The following DCLK2 variants were observed in gnomAD, a reference collection of about 807,000 sequenced individuals.
DCLK2 encodes serine/threonine-protein kinase DCLK2.
In DCLK2, 31 loss-of-function variants were observed where a neutral mutation model predicts 78.4. That is an observed-to-expected ratio of 0.40 (90% CI 0.30 to 0.53). The LOEUF (loss-of-function observed/expected upper bound fraction) is 0.53. DCLK2 is among the 20% of genes least tolerant of loss of function. The probability of loss-of-function intolerance (pLI) is 0.61; values close to 1 mark genes in which losing one functional copy is unlikely to be tolerated. For synonymous variants in DCLK2, 407 were observed against 374.9 expected (o/e 1.09, Z -0.99); for missense variants, 872 against 973.7 (o/e 0.90, Z 1.39).
At chr4:150,216,108 A>G (rs72617457) in intron 5 of DCLK2, among the ~76,000 whole-genome samples, 8,220 of 152,276 alleles carry the variant, frequency 0.054, 323 homozygotes, top group East Asian at 0.2. Context: ...CCTATTTCAG[A>G]ACAGAGAACA....
At chr4:150,088,354 T>C (rs1580474713) in intron 1 of DCLK2, among the ~76,000 whole-genome samples, 1 of 152,090 alleles carries the variant, frequency 6.6e-6, no homozygotes, top group Non-Finnish European at 1.5e-5. Flanking sequence ...AGCAGAGTCC[T>C]AGCATGCAGT....
chr4:150,247,096 G>A (rs551881903), intron 12 of DCLK2, among the ~76,000 whole-genome samples: 1 of 152,030 alleles, frequency 6.6e-6, no homozygotes, highest in Non-Finnish European at 1.5e-5. Context: ...TAGATTTTCT[G>A]CCTTTCCTTT....
intron 2 of DCLK2, among the ~76,000 whole-genome samples, chr4:150,187,825 G>C (rs539890027): frequency 1.5e-5 from 2 of 136,158 alleles, no homozygotes; most frequent in South Asian, 4.5e-4. Flanking sequence ...TTTTGTGACA[G>C]AGTCTTGCTC....
chr4:150,167,387 T>C (rs2150252890), intron 2 of DCLK2, among the ~76,000 whole-genome samples: 1 of 152,344 alleles, frequency 6.6e-6, no homozygotes, highest in African/African-American at 2.4e-5. Context: ...GTATCTGCCC[T>C]TTGACTTTGC....
chr4:150,181,611 T>G (rs1269682026), intron 2 of DCLK2, among the ~76,000 whole-genome samples: 4 of 151,534 alleles, frequency 2.6e-5, no homozygotes, highest in African/African-American at 4.9e-5. Flanking sequence ...AAAGGTTAGA[T>G]CCAGTGTTTT....
chr4:150,202,779 A>G (rs528383931), intron 4 of DCLK2, among the ~76,000 whole-genome samples: 13 of 152,312 alleles, frequency 8.5e-5, no homozygotes, highest in African/African-American at 3.1e-4. Flanking sequence ...TTGTAATAAA[A>G]CAGATTATAA....
chr4:150,099,504 T>C (rs10440445), intron 1 of DCLK2, among the ~76,000 whole-genome samples: 58,127 of 152,126 alleles, frequency 0.38, 11,347 homozygotes, highest in Non-Finnish European at 0.42. Context: ...ATGGGGACAT[T>C]ATAAGACAAG....
In DCLK2 at chr4:150,079,120, C is replaced by T. The variant is rs765997524; in HGVS notation, c.93C>T (p.Ser31=). The T allele has an allele frequency of 2.5e-6, 4 of 1,580,208 alleles. No individual in the cohort carries two copies. Among genetic ancestry groups the T allele is most frequent in the African/African-American group, 1.4e-5 (1 of 73,862 alleles). Residue 31 remains serine, a synonymous_variant, in exon 1 of 16, where the codon TCC becomes TCT. Transcript: ENST00000296550. ...CGCGGAGAGGGGCCCCCAGCTCCTCCGGGGGCAGCAGCAGCTCGGGCCCCA... is the reference window on the plus strand; with the variant it reads ...CGCGGAGAGGGGCCCCCAGCTCCTCTGGGGGCAGCAGCAGCTCGGGCCCCA... ...PGSRRGAPSS[S]GGSSSSGPKG...
At chr4:150,172,274 C>T (rs1048494402) in intron 2 of DCLK2, among the ~76,000 whole-genome samples, 8 of 152,142 alleles carry the variant, frequency 5.3e-5, no homozygotes, top group East Asian at 3.9e-4. Context: ...CAGCAGCTCT[C>T]AGCAAACCTA....
At chr4:150,229,660 A>G (rs550372731) in intron 8 of DCLK2, among the ~76,000 whole-genome samples, 2 of 152,266 alleles carry the variant, frequency 1.3e-5, no homozygotes, top group South Asian at 2.1e-4. Flanking sequence ...CTCTCTTTGT[A>G]CGTTAAAAAT....
intron 2 of DCLK2, among the ~76,000 whole-genome samples, chr4:150,136,913 G>C (rs72730358): frequency 0.12 from 17,661 of 151,540 alleles, 1,747 homozygotes; most frequent in South Asian, 0.41. Flanking sequence ...ATGGATCATG[G>C]AGAACCTAGC....
intron 2 of DCLK2, among the ~76,000 whole-genome samples, chr4:150,176,504 C>T (rs1292460861): frequency 6.6e-6 from 1 of 152,136 alleles, no homozygotes; most frequent in African/African-American, 2.4e-5. Context: ...CATGAGAATC[C>T]AAGGGTGACT....
At chr4:150,113,244 A>C (rs1040136079) in intron 2 of DCLK2, among the ~76,000 whole-genome samples, 3 of 152,182 alleles carry the variant, frequency 2.0e-5, no homozygotes, top group Non-Finnish European at 2.9e-5. Context: ...GTATCAGGCT[A>C]GTACTGGGTT....
chr4:150,179,898 G>A (rs993995168), intron 2 of DCLK2, among the ~76,000 whole-genome samples: 8 of 151,998 alleles, frequency 5.3e-5, no homozygotes, highest in African/African-American at 1.9e-4. Flanking sequence ...GTAAGGTATG[G>A]GAGATTGGCC....
Position 150,187,926 on chromosome 4 carries a change from G to A in DCLK2, c.757-5212G>A, listed in dbSNP as rs371354457. On this transcript the variant is annotated intron_variant, in intron 2 of 15. Coordinates refer to ENST00000296550, the MANE Select transcript of DCLK2 (RefSeq NM_001040260.4). ...GCGATTCCCCCTGCTTCAGCCTCCC[G>A]AGTAACTGGGACTACAGGTGCGTGC... is the stretch of plus-strand genomic sequence containing the variant. Among the ~76,000 whole-genome samples the A allele has an allele frequency of 6.0e-5, 9 of 151,248 alleles. No individual in the cohort carries two copies. In the South Asian group the frequency reaches 6.3e-4, roughly 11 times the overall value.
At chr4:150,253,097 G>GTCCTCCTCA (rs56775129) in intron 15 of DCLK2, among the ~76,000 whole-genome samples, 47 of 146,776 alleles carry the variant, frequency 3.2e-4, no homozygotes, top group African/African-American at 7.6e-4. Flanking sequence ...CATCCTCCTC[G>GTCCTCCTCA]TCCTCCTCAT....
intron 15 of DCLK2, chr4:150,253,573 G>A (rs138325129): frequency 0.017 from 21,549 of 1,289,550 alleles, 225 homozygotes; most frequent in Non-Finnish European, 0.02. Context: ...ACCACGCTGC[G>A]TCCGACCAGC....
At chr4:150,172,470 C>T (rs1195683235) in intron 2 of DCLK2, among the ~76,000 whole-genome samples, 1 of 151,736 alleles carries the variant, frequency 6.6e-6, no homozygotes, top group Non-Finnish European at 1.5e-5. Context: ...AGCCGGGCAT[C>T]ATGGCGGGCG....
At chr4:150,252,809 C>G (rs566564771) in intron 15 of DCLK2, among the ~76,000 whole-genome samples, 3 of 152,314 alleles carry the variant, frequency 2.0e-5, no homozygotes, top group African/African-American at 7.2e-5. Flanking sequence ...AGGGTGTCCC[C>G]TCTAACCCCA....
Sources: gnomAD v4.1 joint callset for allele counts (sites outside exome capture counted in the v4.1 genomes callset) on GRCh38, gnomAD v4.1.1 for gene constraint, MANE v1.5 for transcripts, NCBI Gene and HGNC (gene_info 2026-07-23, HGNC 2026-07-21) for gene names.